Variants in COL22A1 observed in about 807,000 individuals in gnomAD.
COL22A1 encodes collagen type XXII alpha 1 chain.
Under a neutral mutation model 248.9 loss-of-function variants are expected in COL22A1, and 221 were observed. The observed-to-expected ratio is 0.89, with a 90% confidence interval of 0.80 to 0.99. The LOEUF is 0.99. Ranked by LOEUF, COL22A1 falls within the 50% of genes least tolerant of loss-of-function variation. COL22A1 has a pLI of 0.00. For synonymous variants in COL22A1, 891 were observed against 793.4 expected, an observed-to-expected ratio of 1.12 and a Z score of -2.07; for missense variants, 2,240 against 2,179.0, an observed-to-expected ratio of 1.03 and a Z score of -0.56.
chr8:138,868,327 G>T (rs2131995041), intron 3 of COL22A1, among the ~76,000 whole-genome samples: 1 of 152,198 alleles, frequency 6.6e-6, no homozygotes, highest in East Asian at 1.9e-4. Context: ...AATTCAGTTT[G>T]GGTAGGAGTG....
chr8:138,801,790 G>T (rs550111298), intron 11 of COL22A1, among the ~76,000 whole-genome samples: 2 of 152,122 alleles, frequency 1.3e-5, no homozygotes, highest in Non-Finnish European at 2.9e-5. Context: ...TGAGGCAGGA[G>T]AAGCGCTTGA....
rs994557332 is a variant in COL22A1, at chr8:138,694,618, G to A, written c.2647-57C>T. On this transcript the variant is annotated intron_variant, in intron 33 of 64. Coordinates refer to ENST00000303045, the MANE Select transcript of COL22A1 (RefSeq NM_152888.3). ...CATCCTCCTGGTTCTGAGCAGATGG[G>A]CGGATGGGGCGGGGACGTTGCAATG... 9.2e-5 allele frequency: 145 copies of A among 1,570,870 alleles called. 1 individual carries two copies. The highest frequency in any genetic ancestry group is 1.2e-4 in the Non-Finnish European group (139 of 1,143,832).
chr8:138,808,983 A>C (rs2131679864), intron 9 of COL22A1, among the ~76,000 whole-genome samples: 1 of 152,346 alleles, frequency 6.6e-6, no homozygotes, highest in South Asian at 2.1e-4. Flanking sequence ...GAAGTTTTAA[A>C]CCACTGGAAA....
At chr8:138,848,054 A>G (rs16909687) in intron 3 of COL22A1, among the ~76,000 whole-genome samples, 2,522 of 152,302 alleles carry the variant, frequency 0.017, 63 homozygotes, top group African/African-American at 0.057. Flanking sequence ...ATAAATATGG[A>G]ATTCTCAGGT....
Position 138,694,874 on chromosome 8 carries a change from T to C in COL22A1, c.2598A>G (p.Glu866=), listed in dbSNP as rs1827377435. ...LFTPHPRMPG[E]QGPKGEKGDP... ...CGCCCTTCTCTCCTTTGGGCCCTTGTTCTCCCTGTTGGTGAGAAGCATAGG... is the reference window on the plus strand; with the variant it reads ...CGCCCTTCTCTCCTTTGGGCCCTTGCTCTCCCTGTTGGTGAGAAGCATAGG... Residue 866 remains glutamate, a synonymous_variant, in exon 33 of 65, where the codon GAA becomes GAG. Coordinates refer to ENST00000303045, the MANE Select transcript of COL22A1 (RefSeq NM_152888.3). The C allele has an allele frequency of 6.2e-7, 1 of 1,614,004 alleles. No individual in the cohort carries two copies. The highest frequency in any genetic ancestry group is 2.2e-5 in the East Asian group (1 of 44,856).
At chr8:138,680,998 G>A (rs1171066084) in intron 39 of COL22A1, among the ~76,000 whole-genome samples, 3 of 152,252 alleles carry the variant, frequency 2.0e-5, no homozygotes, top group South Asian at 2.1e-4. Context: ...CCCCGGGGGG[G>A]GTCTCAGCCT....
chr8:138,698,776 C>T (rs1354483120), intron 32 of COL22A1, among the ~76,000 whole-genome samples: 1 of 150,418 alleles, frequency 6.6e-6, no homozygotes, highest in Admixed American at 6.6e-5. Context: ...AAGTACCCGC[C>T]CTGCAGGTGA....
At chr8:138,610,724 C>T (rs561817391) in intron 56 of COL22A1, among the ~76,000 whole-genome samples, 2 of 152,254 alleles carry the variant, frequency 1.3e-5, no homozygotes, top group African/African-American at 4.8e-5. Context: ...GGCCAGCTGC[C>T]GTCTTCCACC....
intron 1 of COL22A1, among the ~76,000 whole-genome samples, chr8:138,885,967 T>C (rs145105797): frequency 1.2e-3 from 177 of 152,316 alleles, no homozygotes; most frequent in African/African-American, 3.2e-3. Context: ...TATGGAACCT[T>C]GGTTTTCCAA....
chr8:138,814,183 C>T (rs2131713506), intron 7 of COL22A1, among the ~76,000 whole-genome samples: 1 of 152,364 alleles, frequency 6.6e-6, no homozygotes, highest in East Asian at 1.9e-4. Flanking sequence ...CATCTAACCA[C>T]ATGGCAAACC....
chr8:138,755,673 A>G, intron 19 of COL22A1, 112 bp downstream of exon 19: 1 of 1,383,246 alleles, frequency 7.2e-7, no homozygotes, highest in Non-Finnish European at 1.0e-6. Flanking sequence ...AAAGCCTTCT[A>G]TCCAACCCAT....
At chr8:138,655,504 A>C (rs906459652) in intron 45 of COL22A1, among the ~76,000 whole-genome samples, 1 of 152,150 alleles carries the variant, frequency 6.6e-6, no homozygotes, top group Admixed American at 6.5e-5. Context: ...GACCACAGGC[A>C]CATGTCACCA....
chr8:138,664,194 T>TGCGTGC (rs1554738436), intron 41 of COL22A1, among the ~76,000 whole-genome samples: 5 of 85,302 alleles, frequency 5.9e-5, no homozygotes, highest in Non-Finnish European at 7.5e-5. Flanking sequence ...CAACAAGGGG[T>TGCGTGC]GCGCGCGCGC....
At chr8:138,616,160 C>T (rs774279564) in intron 54 of COL22A1, 106 bp from the exon 55 acceptor site, 16 of 925,500 alleles carry the variant, frequency 1.7e-5, no homozygotes, top group East Asian at 4.8e-5. Flanking sequence ...GGCCCAGGGG[C>T]CCTGTCAACT....
chr8:138,786,292 T>A (rs1304462718), intron 12 of COL22A1, among the ~76,000 whole-genome samples: 1 of 152,190 alleles, frequency 6.6e-6, no homozygotes, highest in African/African-American at 2.4e-5. Flanking sequence ...AGTGAATATG[T>A]TCTGAGTCAG....
Position 138,780,988 on chromosome 8 carries a change from C to CA in COL22A1, c.1597-9dup. On this transcript the variant is annotated splice_polypyrimidine_tract_variant and intron_variant, in intron 12 of 64. Coordinates refer to ENST00000303045, the MANE Select transcript of COL22A1 (RefSeq NM_152888.3). ...GGGCAGGCCCAGGGAACCCTAAAGC[C>CA]AAAAAAAGAGAATAGCAATTAGTAA... The CA allele has an allele frequency of 4.4e-6, 7 of 1,583,860 alleles. No homozygotes were observed. The highest frequency in any genetic ancestry group is 1.9e-5 in the Admixed American group (1 of 53,078).
intron 53 of COL22A1, 43 bp from the exon 54 acceptor site, chr8:138,617,001 C>G (rs779574161): frequency 6.2e-7 from 1 of 1,611,768 alleles, no homozygotes; most frequent in African/African-American, 1.3e-5. Flanking sequence ...AGAGCAGGCT[C>G]TTGGGGCAGA....
chr8:138,690,855 C>A lies in COL22A1; in HGVS notation c.2774G>T (p.Gly925Val). The change falls in exon 36 of 65, where the codon GGT (glycine) becomes GTT (valine). Residue 925 changes from glycine to valine, a missense_variant. Gly to Val is a moderately radical substitution (Grantham distance 109). Coordinates refer to ENST00000303045, the MANE Select transcript of COL22A1 (RefSeq NM_152888.3). ...TGGAGGGCCACTGGGACCGGGGGCA[C>A]CGACATGTCCGGGAGCACCCTGTTC... ...AGNPGAPGHVGAPGPSGPPGS... is the reference protein window; with the variant it reads ...AGNPGAPGHVVAPGPSGPPGS... 6.2e-7 allele frequency: 1 copy of A among 1,610,552 alleles called. No homozygotes were observed. The highest frequency in any genetic ancestry group is 8.5e-7 in the Non-Finnish European group (1 of 1,178,470).
intron 3 of COL22A1, among the ~76,000 whole-genome samples, chr8:138,874,462 G>A (rs961867855): frequency 4.6e-5 from 7 of 152,226 alleles, no homozygotes; most frequent in African/African-American, 1.4e-4. Flanking sequence ...ACAAGGTCTT[G>A]TGACAGGCCC....
Sources: gnomAD v4.1 joint callset for allele counts (sites outside exome capture counted in the v4.1 genomes callset) on GRCh38, gnomAD v4.1.1 for gene constraint, MANE v1.5 for transcripts, NCBI Gene and HGNC (gene_info 2026-07-23, HGNC 2026-07-21) for gene names.